The following CTCF variants were observed in gnomAD, a reference collection of about 807,000 sequenced individuals.
CTCF encodes the protein CCCTC-binding factor, also known as transcriptional repressor CTCF.
A neutral mutation model predicts 72.3 loss-of-function variants in CTCF; 7 were observed. The ratio of observed to expected loss-of-function variants is 0.10; its 90% CI spans 0.06 to 0.18. CTCF has a LOEUF of 0.18. Ranked by LOEUF, CTCF falls within the 10% of genes least tolerant of loss-of-function variation. The pLI, the probability that CTCF is intolerant of heterozygous loss-of-function variation, is 1.00. For missense variants in CTCF, 516 were observed against 949.1 expected (o/e 0.54, Z 6.00); for synonymous variants, 374 against 315.8 (o/e 1.18, Z -1.95).
At chr16:67,630,402 C>T (rs1474027654) in intron 10 of CTCF, among the ~76,000 whole-genome samples, 4 of 152,120 alleles carry the variant, frequency 2.6e-5, no homozygotes, top group Non-Finnish European at 5.9e-5. Flanking sequence ...CACAGGTACT[C>T]TTTGGAGTGT....
intron 2 of CTCF, among the ~76,000 whole-genome samples, chr16:67,592,733 T>C (rs1015418147): frequency 6.1e-5 from 9 of 147,770 alleles, no homozygotes; most frequent in African/African-American, 2.3e-4. Flanking sequence ...AAAAGATACT[T>C]ACAGAGGCCA....
intron 5 of CTCF, among the ~76,000 whole-genome samples, chr16:67,619,225 C>G (rs1355609667): frequency 3.9e-5 from 6 of 152,152 alleles, no homozygotes; most frequent in Non-Finnish European, 5.9e-5. Context: ...CACCTGAGAT[C>G]AAGAGTTTGA....
chr16:67,622,184 G>C (rs2052208947), intron 7 of CTCF, among the ~76,000 whole-genome samples: 2 of 151,992 alleles, frequency 1.3e-5, no homozygotes, highest in African/African-American at 4.8e-5. Context: ...GTGAAACCCT[G>C]TCTCTACTAA....
At chr16:67,609,520 A>G (rs1261943585) in intron 2 of CTCF, among the ~76,000 whole-genome samples, 1 of 152,152 alleles carries the variant, frequency 6.6e-6, no homozygotes, top group African/African-American at 2.4e-5. Context: ...TCAGGATCCA[A>G]AGAAGATTCA....
chr16:67,573,049 G>C (rs563299543), intron 2 of CTCF, among the ~76,000 whole-genome samples: 1 of 145,462 alleles, frequency 6.9e-6, no homozygotes, highest in African/African-American at 2.6e-5. Flanking sequence ...TCAGGAGTTC[G>C]GGACCAGCCT....
intron 6 of CTCF, 118 bp downstream of exon 6, chr16:67,620,935 G>C: frequency 1.3e-6 from 1 of 786,532 alleles, no homozygotes; most frequent in African/African-American, 1.8e-5. Context: ...CATGAAAATA[G>C]TATGGAATTG....
chr16:67,604,867 A>G (rs1283601791), intron 2 of CTCF, among the ~76,000 whole-genome samples: 1 of 148,202 alleles, frequency 6.7e-6, no homozygotes. Context: ...TAGAGAATTT[A>G]TATTCTAAAG....
chr16:67,628,820 G>T (rs1223407641), intron 9 of CTCF, among the ~76,000 whole-genome samples: 1 of 152,196 alleles, frequency 6.6e-6, no homozygotes, highest in Non-Finnish European at 1.5e-5. Flanking sequence ...CAGCACTTTG[G>T]GAGGCCAAGG....
intron 10 of CTCF, among the ~76,000 whole-genome samples, chr16:67,634,541 C>G (rs1481484612): frequency 8.3e-6 from 1 of 120,478 alleles, no homozygotes; most frequent in African/African-American, 3.4e-5. Context: ...TTTTTTTACA[C>G]AGGATCTCAC....
At chr16:67,617,808 C>A (rs1013373920) in intron 5 of CTCF, among the ~76,000 whole-genome samples, 1 of 152,120 alleles carries the variant, frequency 6.6e-6, no homozygotes, top group African/African-American at 2.4e-5. Context: ...TACACTGTTA[C>A]CAAAACTGGG....
intron 2 of CTCF, among the ~76,000 whole-genome samples, chr16:67,606,504 C>A (rs943643143): frequency 1.3e-5 from 2 of 152,194 alleles, no homozygotes; most frequent in South Asian, 4.1e-4. Context: ...GGATTACAGG[C>A]GTGAGCCACC....
intron 2 of CTCF, among the ~76,000 whole-genome samples, chr16:67,579,976 C>T (rs2051557915): frequency 6.6e-6 from 1 of 152,082 alleles, no homozygotes; most frequent in African/African-American, 2.4e-5. Context: ...AGAGTTTGGA[C>T]TTTAAGAGTT....
chr16:67,616,011 A>C (rs1268747466), intron 4 of CTCF: 1 of 152,272 alleles, frequency 6.6e-6, no homozygotes, highest in Non-Finnish European at 1.5e-5. Context: ...TGAAACTAGC[A>C]CTGCATTGTG....
At chr16:67,575,582 CT>C (rs1241632160) in intron 2 of CTCF, among the ~76,000 whole-genome samples, 1 of 151,998 alleles carries the variant, frequency 6.6e-6, no homozygotes, top group Non-Finnish European at 1.5e-5. Flanking sequence ...ATAGCTAGGA[CT>C]ACAGGTGCGC....
chr16:67,620,391 G>T (rs2052185728), intron 5 of CTCF, among the ~76,000 whole-genome samples: 1 of 152,092 alleles, frequency 6.6e-6, no homozygotes, highest in Non-Finnish European at 1.5e-5. Flanking sequence ...AGTAGATACG[G>T]GGTCTCACCA....
At chr16:67,592,375 C>T (rs535542483) in intron 2 of CTCF, among the ~76,000 whole-genome samples, 11 of 151,960 alleles carry the variant, frequency 7.2e-5, no homozygotes, top group Non-Finnish European at 1.5e-4. Flanking sequence ...TGTGCCACTG[C>T]GCTCCAGCCT....
At chr16:67,611,889 A>T in intron 3 of CTCF, 62 bp from the exon 4 acceptor site, 1 of 1,422,324 alleles carries the variant, frequency 7.0e-7, no homozygotes, top group Non-Finnish European at 9.8e-7. Context: ...GAAATTTAAG[A>T]TTAGGATTAA....
chr16:67,565,217 G>T (rs1183802607), intron 1 of CTCF, among the ~76,000 whole-genome samples: 1 of 151,948 alleles, frequency 6.6e-6, no homozygotes, highest in Non-Finnish European at 1.5e-5. Flanking sequence ...GGCCAGGCTG[G>T]TCTCGAACTC....
chr16:67,605,480 C>G (rs1392426481), intron 2 of CTCF, among the ~76,000 whole-genome samples: 1 of 152,124 alleles, frequency 6.6e-6, no homozygotes, highest in Non-Finnish European at 1.5e-5. Flanking sequence ...GAACAAGGGA[C>G]TAATGAAAGA....
Sources: gnomAD v4.1 joint callset for allele counts (sites outside exome capture counted in the v4.1 genomes callset) on GRCh38, gnomAD v4.1.1 for gene constraint, MANE v1.5 for transcripts, NCBI Gene and HGNC (gene_info 2026-07-23, HGNC 2026-07-21) for gene names.